SAMD5: variants seen among roughly 807,000 people sequenced by gnomAD.
SAMD5 encodes the protein sterile alpha motif domain-containing protein 5.
SAMD5 carries 13 observed loss-of-function variants against 11.3 expected under a neutral mutation model. The ratio of observed to expected loss-of-function variants is 1.15; its 90% CI spans 0.75 to 1.83. The LOEUF (loss-of-function observed/expected upper bound fraction) is 1.83. Among genes scored for constraint, SAMD5 ranks in the 40% most tolerant of loss-of-function variants. The pLI, the probability that SAMD5 is intolerant of heterozygous loss-of-function variation, is 0.00. For missense variants in SAMD5, 255 were observed against 239.1 expected, an observed-to-expected ratio of 1.07 and a Z score of -0.44; for synonymous variants, 129 against 111.3, an observed-to-expected ratio of 1.16 and a Z score of -1.00.
the SAMD5 span, among the ~76,000 whole-genome samples, chr6:147,785,838 T>TATTAATTTTATCCCTGCCAGATAATG: frequency 6.6e-6 from 1 of 152,192 alleles, no homozygotes; most frequent in South Asian, 2.1e-4. Flanking sequence ...CTCAAGAGAT[T>TATTAATTTTATCCCTGCCAGATAATG]ATTAATTTTA....
the SAMD5 span, among the ~76,000 whole-genome samples, chr6:147,841,872 A>C: frequency 6.6e-6 from 1 of 152,188 alleles, no homozygotes; most frequent in African/African-American, 2.4e-5. Context: ...ATCAGTTCAA[A>C]AATAAAGCAC....
chr6:147,921,407 A>G, the SAMD5 span, among the ~76,000 whole-genome samples: 1 of 152,046 alleles, frequency 6.6e-6, no homozygotes, highest in African/African-American at 2.4e-5. Context: ...GTAGGAGTCT[A>G]TGAGAGATTA....
At chr6:147,766,104 G>GAA in the SAMD5 span, among the ~76,000 whole-genome samples, 1 of 127,926 alleles carries the variant, frequency 7.8e-6, no homozygotes, top group Non-Finnish European at 1.7e-5. Flanking sequence ...AGCAATGGAA[G>GAA]AAAAAAAAAA....
At chr6:147,628,773 T>A (rs719453) in intron 1 of SAMD5, among the ~76,000 whole-genome samples, 72,263 of 151,932 alleles carry the variant, frequency 0.48, 17,662 homozygotes, top group Middle Eastern at 0.57. Context: ...GGCCCATGGA[T>A]CTCATCATTC....
chr6:147,660,655 C>T (rs1337208224), intron 1 of SAMD5: 1 of 150,208 alleles, frequency 6.7e-6, no homozygotes, highest in Admixed American at 6.8e-5. Context: ...AGAGAGTTCT[C>T]AGGCGATCTG....
the SAMD5 span, among the ~76,000 whole-genome samples, chr6:147,908,459 A>G: frequency 1.3e-5 from 2 of 152,114 alleles, no homozygotes; most frequent in African/African-American, 2.4e-5. Flanking sequence ...CTTCTCTTCC[A>G]TTGGCAAGAC....
the SAMD5 span, among the ~76,000 whole-genome samples, chr6:147,807,128 C>T: frequency 6.6e-6 from 1 of 152,014 alleles, no homozygotes; most frequent in South Asian, 2.1e-4. Context: ...GGAAAGGAGT[C>T]TTGCTCTGTC....
chr6:147,619,309 CG>C (rs1466399790), intron 1 of SAMD5, among the ~76,000 whole-genome samples: 1 of 152,134 alleles, frequency 6.6e-6, no homozygotes, highest in Non-Finnish European at 1.5e-5. Flanking sequence ...AACTTCCTAG[CG>C]GCCAAGATAA....
intron 1 of SAMD5, among the ~76,000 whole-genome samples, chr6:147,526,521 A>G (rs1321550108): frequency 6.6e-6 from 1 of 152,210 alleles, no homozygotes; most frequent in Non-Finnish European, 1.5e-5. Flanking sequence ...CCAAGGAGAG[A>G]ACTATTCATT....
chr6:147,828,656 C>G, the SAMD5 span, among the ~76,000 whole-genome samples: 3 of 152,210 alleles, frequency 2.0e-5, no homozygotes, highest in African/African-American at 7.2e-5. Context: ...CTTCCTTGCT[C>G]TCAGCTTGCA....
At chr6:147,592,968 A>G (rs777251006) in intron 1 of SAMD5, among the ~76,000 whole-genome samples, 3 of 152,148 alleles carry the variant, frequency 2.0e-5, no homozygotes, top group South Asian at 2.1e-4. Context: ...AGGATCATGT[A>G]GTCTAGGTGT....
At chr6:147,816,301 A>AAAAAATATATATAT in the SAMD5 span, among the ~76,000 whole-genome samples, 356 of 66,242 alleles carry the variant, frequency 5.4e-3, 1 homozygote, top group East Asian at 0.013. Flanking sequence ...AAAAAAAAAA[A>AAAAAATATATATAT]ATATATATAT....
intron 1 of SAMD5, among the ~76,000 whole-genome samples, chr6:147,593,794 A>G (rs1789490150): frequency 6.6e-6 from 1 of 152,112 alleles, no homozygotes; most frequent in Admixed American, 6.5e-5. Flanking sequence ...TAGGAGCTCT[A>G]AGACTCTTTT....
At chr6:147,717,834 G>C (rs1245313655) in intron 1 of SAMD5, among the ~76,000 whole-genome samples, 2 of 151,690 alleles carry the variant, frequency 1.3e-5, no homozygotes, top group Non-Finnish European at 2.9e-5. Flanking sequence ...CTGGGTGACA[G>C]AGCAAAACTC....
the SAMD5 span, among the ~76,000 whole-genome samples, chr6:147,811,196 G>A: frequency 1.3e-5 from 2 of 152,152 alleles, no homozygotes; most frequent in South Asian, 2.1e-4. Flanking sequence ...TTACTTGGGT[G>A]TACCAGAGAG....
At chr6:147,857,941 C>T in the SAMD5 span, among the ~76,000 whole-genome samples, 1 of 151,688 alleles carries the variant, frequency 6.6e-6, no homozygotes, top group Admixed American at 6.6e-5. Context: ...TTATCCCTTC[C>T]TTGGGTTCTG....
chr6:147,880,008 A>T, the SAMD5 span, among the ~76,000 whole-genome samples: 1 of 152,204 alleles, frequency 6.6e-6, no homozygotes, highest in South Asian at 2.1e-4. Context: ...AAAATAATGA[A>T]GCCAGAAACC....
chr6:147,656,508 T>C (rs1241568974), intron 1 of SAMD5, among the ~76,000 whole-genome samples: 3 of 152,138 alleles, frequency 2.0e-5, no homozygotes, highest in African/African-American at 7.2e-5. Context: ...ACCCCTAAGT[T>C]GTAAACATCT....
the SAMD5 span, among the ~76,000 whole-genome samples, chr6:147,934,219 G>A: frequency 6.6e-6 from 1 of 152,222 alleles, no homozygotes; most frequent in East Asian, 1.9e-4. Context: ...TCTATAATAG[G>A]AGAATTTTCC....
Sources: gnomAD v4.1 joint callset for allele counts (sites outside exome capture counted in the v4.1 genomes callset) on GRCh38, gnomAD v4.1.1 for gene constraint, MANE v1.5 for transcripts, NCBI Gene and HGNC (gene_info 2026-07-23, HGNC 2026-07-21) for gene names.